The following CFAP299 variants were observed in gnomAD, a reference collection of about 807,000 sequenced individuals.
CFAP299 encodes cilia and flagella associated protein 299.
A neutral mutation model predicts 27.0 loss-of-function variants in CFAP299; 21 were observed. The ratio of observed to expected loss-of-function variants is 0.78; its 90% CI spans 0.55 to 1.12. The LOEUF (loss-of-function observed/expected upper bound fraction) is 1.12, where lower values mean the gene tolerates loss of function less well. CFAP299 is among the 50% of genes most tolerant of loss of function. The pLI is 0.00. For missense variants in CFAP299, 310 were observed against 276.6 expected (o/e 1.12, Z -0.86); for synonymous variants, 104 against 98.1 (o/e 1.06, Z -0.36).
rs553402961 is a variant in CFAP299, at chr4:80,757,915, G to C, written c.334-112078G>C. Among the ~76,000 whole-genome samples, 15 of 152,232 alleles carry C rather than the reference G, an allele frequency of 9.9e-5. No homozygotes were observed. The East Asian group carries it at 2.7e-3, about 28-fold the overall frequency. ...CTGCTGTGTTCTACCCCTTGCGGGAGGGGGAGCATGGGTGAGCAGGTGAAG... is the reference window on the plus strand; with the variant it reads ...CTGCTGTGTTCTACCCCTTGCGGGACGGGGAGCATGGGTGAGCAGGTGAAG... On this transcript the variant is annotated intron_variant, in intron 3 of 5. Coordinates refer to ENST00000358105, the MANE Select transcript of CFAP299 (RefSeq NM_152770.3).
intron 3 of CFAP299, among the ~76,000 whole-genome samples, chr4:80,617,229 A>G (rs1263156051): frequency 1.3e-5 from 2 of 152,192 alleles, no homozygotes; most frequent in Non-Finnish European, 2.9e-5. Context: ...TTAGTTCTGA[A>G]TGGGAAAATT....
chr4:80,758,455 G>T (rs991655983), intron 3 of CFAP299, among the ~76,000 whole-genome samples: 24 of 152,138 alleles, frequency 1.6e-4, no homozygotes, highest in African/African-American at 4.3e-4. Context: ...ATGGGGGGAA[G>T]GGAGGGCCAT....
intron 2 of CFAP299, among the ~76,000 whole-genome samples, chr4:80,569,565 A>T (rs1735481330): frequency 6.6e-6 from 1 of 152,120 alleles, no homozygotes; most frequent in Non-Finnish European, 1.5e-5. Flanking sequence ...ATGTCAAATT[A>T]AAGAGAACTA....
chr4:80,799,781 ATAT>A (rs1728229317), intron 3 of CFAP299, among the ~76,000 whole-genome samples: 1 of 40,424 alleles, frequency 2.5e-5, no homozygotes, highest in African/African-American at 1.1e-4. Context: ...TATGATATAT[ATAT>A]TATATATTAT....
chr4:80,466,619 A>T (rs1729715332), intron 2 of CFAP299, among the ~76,000 whole-genome samples: 1 of 152,174 alleles, frequency 6.6e-6, no homozygotes, highest in Non-Finnish European at 1.5e-5. Flanking sequence ...CACTTGGACG[A>T]ATTGTTTTGC....
intron 2 of CFAP299, among the ~76,000 whole-genome samples, chr4:80,376,425 A>G (rs557721870): frequency 6.6e-6 from 1 of 152,180 alleles, no homozygotes; most frequent in African/African-American, 2.4e-5. Flanking sequence ...TCTTAAGTAT[A>G]TATCCAGGAA....
intron 3 of CFAP299, among the ~76,000 whole-genome samples, chr4:80,593,225 A>G (rs1367054033): frequency 1.3e-5 from 2 of 152,202 alleles, no homozygotes; most frequent in African/African-American, 4.8e-5. Flanking sequence ...CTAAATCTGA[A>G]CCAACTGTCT....
chr4:80,562,733 A>C (rs960032542), intron 2 of CFAP299, among the ~76,000 whole-genome samples: 9 of 150,806 alleles, frequency 6.0e-5, no homozygotes, highest in African/African-American at 2.2e-4. Context: ...TAAACTCTCC[A>C]ATAAAAAGAC....
At chr4:80,678,109 CCCTTGG>C (rs1719588626) in intron 3 of CFAP299, among the ~76,000 whole-genome samples, 1 of 151,840 alleles carries the variant, frequency 6.6e-6, no homozygotes, top group Non-Finnish European at 1.5e-5. Flanking sequence ...GGGTATTTAA[CCCTTGG>C]GATATCTCTT....
chr4:80,547,088 A>G (rs1734271877), intron 2 of CFAP299, among the ~76,000 whole-genome samples: 2 of 152,284 alleles, frequency 1.3e-5, no homozygotes, highest in South Asian at 4.1e-4. Flanking sequence ...TCTAAGCAAA[A>G]AGAACAAAGC....
At chr4:80,571,255 A>G (rs1049288464) in intron 2 of CFAP299, among the ~76,000 whole-genome samples, 8 of 152,164 alleles carry the variant, frequency 5.3e-5, no homozygotes, top group African/African-American at 1.9e-4. Context: ...ATTTTAATAT[A>G]AATTCATATT....
intron 2 of CFAP299, among the ~76,000 whole-genome samples, chr4:80,581,182 A>G (rs1417023931): frequency 1.3e-5 from 2 of 151,740 alleles, no homozygotes; most frequent in Non-Finnish European, 2.9e-5. Flanking sequence ...TAGAAGCTGG[A>G]TAAGTGATTA....
chr4:80,673,549 A>G (rs1377605945), intron 3 of CFAP299, among the ~76,000 whole-genome samples: 1 of 152,148 alleles, frequency 6.6e-6, no homozygotes, highest in Non-Finnish European at 1.5e-5. Context: ...AGCTGAGTTC[A>G]AGTCTGGATA....
chr4:80,582,876 G>A (rs1195464908), intron 2 of CFAP299, among the ~76,000 whole-genome samples: 1 of 151,614 alleles, frequency 6.6e-6, no homozygotes, highest in African/African-American at 2.4e-5. Context: ...GTCTTGATAT[G>A]GATATATTAT....
rs1445451722 is a variant in CFAP299, at chr4:80,782,748, A to G, written c.334-87245A>G. Reference sequence around the variant, plus strand: ...TATATAATATATTCACATATGGCATACATATATGAATATATAATATATTCA... The same window carrying G: ...TATATAATATATTCACATATGGCATGCATATATGAATATATAATATATTCA... On this transcript the variant is annotated intron_variant, in intron 3 of 5. Transcript: ENST00000358105. Among the ~76,000 whole-genome samples, 11 of 145,720 alleles carry G rather than the reference A, an allele frequency of 7.5e-5. 1 individual carries two copies. Among genetic ancestry groups the G allele is most frequent in the African/African-American group, 1.2e-4 (5 of 40,090 alleles).
chr4:80,679,076 T>C (rs79628494), intron 3 of CFAP299, among the ~76,000 whole-genome samples: 10,502 of 152,146 alleles, frequency 0.069, 815 homozygotes, highest in African/African-American at 0.18. Context: ...CACCCACTTC[T>C]CTTCCTGTCC....
intron 3 of CFAP299, among the ~76,000 whole-genome samples, chr4:80,845,006 T>G (rs1731093143): frequency 6.6e-6 from 1 of 152,204 alleles, no homozygotes; most frequent in Non-Finnish European, 1.5e-5. Flanking sequence ...ATTTATTAAA[T>G]AGGGAATCCT....
At chr4:80,808,303 C>T (rs1728968520) in intron 3 of CFAP299, among the ~76,000 whole-genome samples, 2 of 152,042 alleles carry the variant, frequency 1.3e-5, no homozygotes, top group Admixed American at 6.6e-5. Flanking sequence ...AAAGAATCTG[C>T]CTTCATAACA....
chr4:80,505,565 A>G (rs1352136009), intron 2 of CFAP299, among the ~76,000 whole-genome samples: 1 of 152,174 alleles, frequency 6.6e-6, no homozygotes, highest in Non-Finnish European at 1.5e-5. Flanking sequence ...AATAGGTTCA[A>G]CCACCCTGTA....
Sources: gnomAD v4.1 joint callset for allele counts (sites outside exome capture counted in the v4.1 genomes callset) on GRCh38, gnomAD v4.1.1 for gene constraint, MANE v1.5 for transcripts, NCBI Gene and HGNC (gene_info 2026-07-23, HGNC 2026-07-21) for gene names.